The following CPNE4 variants were observed in gnomAD, a reference collection of about 807,000 sequenced individuals.
CPNE4 encodes the protein copine 4, also known as copine-4.
Under a neutral mutation model 67.9 loss-of-function variants are expected in CPNE4, and 25 were observed. The observed-to-expected ratio is 0.37, with a 90% confidence interval of 0.27 to 0.51. CPNE4 has a LOEUF of 0.51. Among genes scored for constraint, CPNE4 ranks in the 20% least tolerant of loss-of-function variants. CPNE4 has a pLI of 0.93. For missense variants in CPNE4, 464 were observed against 690.8 expected (o/e 0.67, Z 3.68); for synonymous variants, 242 against 244.9 (o/e 0.99, Z 0.11).
intron 7 of CPNE4, among the ~76,000 whole-genome samples, chr3:131,636,958 C>T (rs1213749134): frequency 6.6e-6 from 1 of 152,182 alleles, no homozygotes; most frequent in Non-Finnish European, 1.5e-5. Flanking sequence ...TACAGTTCAG[C>T]TCTCAGGAAG....
In CPNE4 at chr3:131,533,959, A is replaced by G. The variant is rs1935007471; in HGVS notation, c.*1236T>C. ...ACAAAACACCTCGACCCCAGACAAT[A>G]ATTCCAGGCATTTCTGCTTATAGAA... On this transcript the variant is annotated 3_prime_UTR_variant, in exon 16 of 16. Transcript: ENST00000429747. The G allele has an allele frequency of 6.6e-6, 1 of 152,172 alleles. No homozygotes were observed. Among genetic ancestry groups the G allele is most frequent in the Non-Finnish European group, 1.5e-5 (1 of 68,032 alleles). 9.4% of individuals were successfully genotyped at this position (152,172 alleles called of 1,614,324 possible).
intron 9 of CPNE4, 139 bp downstream of exon 9, chr3:131,581,440 C>G (rs1489065598): frequency 1.8e-5 from 11 of 628,404 alleles, no homozygotes; most frequent in Non-Finnish European, 3.1e-5. Context: ...ATTTTATGTT[C>G]TTTAATACAT....
chr3:131,756,384 T>G (rs1394146308), intron 2 of CPNE4, among the ~76,000 whole-genome samples: 2 of 152,230 alleles, frequency 1.3e-5, no homozygotes, highest in East Asian at 3.8e-4. Context: ...TATAGGAGTC[T>G]GCCTGGATAG....
intron 14 of CPNE4, among the ~76,000 whole-genome samples, chr3:131,547,920 A>C (rs548799684): frequency 6.6e-6 from 1 of 152,300 alleles, no homozygotes; most frequent in East Asian, 1.9e-4. Flanking sequence ...TATGTTAATA[A>C]AAGGACATGG....
intron 7 of CPNE4, among the ~76,000 whole-genome samples, chr3:131,651,068 T>A (rs1204874660): frequency 2.0e-5 from 3 of 152,152 alleles, no homozygotes; most frequent in Non-Finnish European, 4.4e-5. Context: ...GAGAAAATGT[T>A]GAGGAAAGCA....
chr3:131,815,433 G>A (rs535787733), intron 2 of CPNE4, among the ~76,000 whole-genome samples: 1 of 152,316 alleles, frequency 6.6e-6, no homozygotes, highest in South Asian at 2.1e-4. Flanking sequence ...ATATTTGCTA[G>A]CTAAATTCTA....
At chr3:131,896,856 A>G (rs374604364) in intron 2 of CPNE4, among the ~76,000 whole-genome samples, 1 of 152,102 alleles carries the variant, frequency 6.6e-6, no homozygotes, top group East Asian at 1.9e-4. Context: ...GACATTAAGC[A>G]TAATTTTTCT....
At chr3:131,756,594 G>A (rs2082755799) in intron 2 of CPNE4, among the ~76,000 whole-genome samples, 1 of 152,252 alleles carries the variant, frequency 6.6e-6, no homozygotes. Flanking sequence ...GCTTTGGCCA[G>A]GAGATGGCAA....
At chr3:131,903,746 A>C (rs1033870685) in intron 2 of CPNE4, among the ~76,000 whole-genome samples, 1 of 152,126 alleles carries the variant, frequency 6.6e-6, no homozygotes. Flanking sequence ...TTAGTGCCAG[A>C]CTAGTGCCTG....
chr3:131,649,743 T>C (rs1005484662), intron 7 of CPNE4, among the ~76,000 whole-genome samples: 1 of 152,128 alleles, frequency 6.6e-6, no homozygotes, highest in Non-Finnish European at 1.5e-5. Context: ...GCATAAGGTA[T>C]GCAAAACCTA....
At chr3:131,935,014 T>C (rs2071181576) in intron 1 of CPNE4, among the ~76,000 whole-genome samples, 1 of 152,190 alleles carries the variant, frequency 6.6e-6, no homozygotes, top group African/African-American at 2.4e-5. Context: ...TAGGAGGATG[T>C]AAAATATTAA....
chr3:131,563,735 T>C (rs1043761725), intron 11 of CPNE4, among the ~76,000 whole-genome samples: 2 of 152,032 alleles, frequency 1.3e-5, no homozygotes, highest in South Asian at 4.1e-4. Flanking sequence ...GTGTACAAAT[T>C]ACTTAACCTC....
intron 2 of CPNE4, among the ~76,000 whole-genome samples, chr3:131,865,641 G>A (rs1003022562): frequency 1.3e-5 from 2 of 152,112 alleles, no homozygotes; most frequent in African/African-American, 4.8e-5. Context: ...CCATCTTTGT[G>A]CTTCTGACCT....
chr3:131,663,149 A>T (rs2080169610), intron 7 of CPNE4, among the ~76,000 whole-genome samples: 1 of 152,238 alleles, frequency 6.6e-6, no homozygotes, highest in South Asian at 2.1e-4. Flanking sequence ...GAATGAGTTC[A>T]TGTCCTTTGC....
intron 7 of CPNE4, among the ~76,000 whole-genome samples, chr3:131,626,800 T>C (rs2079084934): frequency 6.6e-6 from 1 of 152,200 alleles, no homozygotes; most frequent in South Asian, 2.1e-4. Context: ...GAGAAGTCAA[T>C]GCCCGGCTTC....
intron 8 of CPNE4, among the ~76,000 whole-genome samples, chr3:131,585,409 G>A (rs189258382): frequency 7.4e-4 from 113 of 152,202 alleles, no homozygotes; most frequent in African/African-American, 2.6e-3. Context: ...ATTTCCCACT[G>A]TATAACTACA....
chr3:131,804,759 C>T (rs1583229959), intron 2 of CPNE4, among the ~76,000 whole-genome samples: 1 of 152,166 alleles, frequency 6.6e-6, no homozygotes, highest in Non-Finnish European at 1.5e-5. Context: ...TGGAACTATT[C>T]CACTGCCATG....
chr3:131,726,992 G>A (rs1583091230), intron 2 of CPNE4, among the ~76,000 whole-genome samples: 1 of 152,284 alleles, frequency 6.6e-6, no homozygotes, highest in East Asian at 1.9e-4. Flanking sequence ...TAATCGTGAT[G>A]ACTGATAAAT....
intron 10 of CPNE4, among the ~76,000 whole-genome samples, chr3:131,568,386 G>C (rs1355290944): frequency 6.6e-6 from 1 of 151,934 alleles, no homozygotes; most frequent in Admixed American, 6.6e-5. Flanking sequence ...GTGAAAGATG[G>C]GATTAAGTTG....
Sources: allele counts gnomAD v4.1 joint callset (sites outside exome capture counted in the v4.1 genomes callset), GRCh38; gene constraint gnomAD v4.1.1; transcripts MANE v1.5; gene names NCBI Gene and HGNC (gene_info 2026-07-23, HGNC 2026-07-21).